The following ELP3 variants were observed in gnomAD, a reference collection of about 807,000 sequenced individuals.
ELP3 encodes the protein elongator complex protein 3.
Under a neutral mutation model 74.9 loss-of-function variants are expected in ELP3, and 56 were observed. The ratio of observed to expected loss-of-function variants is 0.75; its 90% CI spans 0.60 to 0.93. ELP3 has a LOEUF of 0.93. Ranked by LOEUF, ELP3 falls within the 40% of genes least tolerant of loss-of-function variation. The pLI is 0.00. For synonymous variants in ELP3, 222 were observed against 239.8 expected (o/e 0.93, Z 0.68); for missense variants, 573 against 686.5 (o/e 0.83, Z 1.85).
At chr8:28,143,637 C>T (rs949844619) in intron 10 of ELP3, among the ~76,000 whole-genome samples, 2 of 152,050 alleles carry the variant, frequency 1.3e-5, no homozygotes, top group Non-Finnish European at 2.9e-5. Flanking sequence ...GTAAACTGTT[C>T]GCCTTGTTAG....
intron 14 of ELP3, among the ~76,000 whole-genome samples, chr8:28,163,232 C>T (rs1164312957): frequency 6.6e-6 from 1 of 152,172 alleles, no homozygotes; most frequent in Non-Finnish European, 1.5e-5. Context: ...AAGAAGCTAA[C>T]AGGGTGAGAG....
At chr8:28,152,835 A>G (rs1813693534) in intron 10 of ELP3, among the ~76,000 whole-genome samples, 1 of 152,210 alleles carries the variant, frequency 6.6e-6, no homozygotes, top group East Asian at 1.9e-4. Context: ...GCTCAGCAGC[A>G]TGAAGTTTAC....
At position 28,163,827 on chromosome 8, in the gene ELP3, C is replaced by T. The variant is rs115545226; in HGVS notation, c.1567+1749C>T. 4.4e-3 allele frequency among the ~76,000 whole-genome samples: 671 copies of T among 152,232 alleles called. 5 individuals carry two copies. The highest frequency in any genetic ancestry group is 0.014 in the African/African-American group (597 of 41,530). On this transcript the variant is annotated intron_variant, in intron 14 of 14. Coordinates refer to ENST00000256398, the MANE Select transcript of ELP3 (RefSeq NM_018091.6). ...AAAGTGCTTGTGAAACTTCAGTGTG[C>T]TTACAAATCACCTGGAGATCTTGTT...
At chr8:28,117,229 A>G (rs556507299) in intron 7 of ELP3, among the ~76,000 whole-genome samples, 1 of 152,274 alleles carries the variant, frequency 6.6e-6, no homozygotes, top group East Asian at 1.9e-4. Flanking sequence ...GCCAACTAAG[A>G]TCTGCATAGT....
chr8:28,124,907 C>G (rs1226615079), intron 7 of ELP3, among the ~76,000 whole-genome samples: 2 of 152,094 alleles, frequency 1.3e-5, no homozygotes, highest in Admixed American at 6.6e-5. Flanking sequence ...TTTATAGAAC[C>G]TCATGATATA....
At chr8:28,140,864 C>T (rs1381379663) in intron 10 of ELP3, among the ~76,000 whole-genome samples, 6 of 152,086 alleles carry the variant, frequency 3.9e-5, no homozygotes, top group Non-Finnish European at 8.8e-5. Context: ...TGCCATTGGC[C>T]ATGAGTTCAG....
At chr8:28,134,651 A>G (rs1056818342) in intron 9 of ELP3, among the ~76,000 whole-genome samples, 5 of 152,222 alleles carry the variant, frequency 3.3e-5, no homozygotes, top group Non-Finnish European at 7.3e-5. Flanking sequence ...AAACCTATCA[A>G]AAAGTTCTCA....
At chr8:28,115,681 A>C (rs750222173) in intron 7 of ELP3, among the ~76,000 whole-genome samples, 1 of 152,164 alleles carries the variant, frequency 6.6e-6, no homozygotes, top group Non-Finnish European at 1.5e-5. Flanking sequence ...AAAGTTGCAG[A>C]GGTGGTTGGT....
intron 2 of ELP3, among the ~76,000 whole-genome samples, chr8:28,098,323 C>G (rs1290065222): frequency 6.6e-6 from 1 of 152,190 alleles, no homozygotes; most frequent in Non-Finnish European, 1.5e-5. Context: ...TTCTTAGACT[C>G]TCTTCTCTGA....
At chr8:28,142,229 T>C (rs1360226637) in intron 10 of ELP3, among the ~76,000 whole-genome samples, 1 of 152,164 alleles carries the variant, frequency 6.6e-6, no homozygotes, top group Non-Finnish European at 1.5e-5. Context: ...AAAGGTCATA[T>C]GATAAGAAAG....
chr8:28,160,464 G>C lies in ELP3; in HGVS notation c.1485+8G>C, dbSNP rs754247577. The C allele has an allele frequency of 3.1e-6, 5 of 1,609,172 alleles. No individual in the cohort carries two copies. The highest frequency in any genetic ancestry group is 4.2e-6 in the Non-Finnish European group (5 of 1,177,314). On this transcript the variant is annotated splice_region_variant and intron_variant, in intron 13 of 14. Transcript: ENST00000256398. ...ACTAAATTTCAGCATCAGGTATCCTGTATTCCATTTCTATTTGACTTCTAA... is the reference window on the plus strand; with the variant it reads ...ACTAAATTTCAGCATCAGGTATCCTCTATTCCATTTCTATTTGACTTCTAA...
At chr8:28,129,205 T>TG in intron 7 of ELP3, 1 of 235,142 alleles carries the variant, frequency 4.3e-6, no homozygotes, top group Non-Finnish European at 8.3e-6. Flanking sequence ...AGAATAATAA[T>TG]GATAATGATG....
At chr8:28,131,311 C>G (rs918006436) in intron 8 of ELP3, among the ~76,000 whole-genome samples, 4 of 152,206 alleles carry the variant, frequency 2.6e-5, no homozygotes, top group Non-Finnish European at 5.9e-5. Flanking sequence ...TCAAAATGTT[C>G]TGTGCCTGCA....
chr8:28,110,321 C>T (rs1376328362), intron 5 of ELP3, 49 bp from the exon 6 acceptor site: 1 of 1,508,654 alleles, frequency 6.6e-7, no homozygotes, highest in South Asian at 1.2e-5. Context: ...TTTGAAACTA[C>T]TTTTTAGTTT....
At chr8:28,097,094 T>C in intron 1 of ELP3, 125 bp from the exon 2 acceptor site, 2 of 607,578 alleles carry the variant, frequency 3.3e-6, no homozygotes, top group South Asian at 2.1e-5. Flanking sequence ...TTTAGCATCT[T>C]CTGAACTTGA....
In ELP3 at chr8:28,118,998, C is replaced by T. The variant is rs1011845004; in HGVS notation, c.617+5825C>T. ...CAGGCCCAGAAGACAATTTCGTAGA[C>T]TTGCACAGCTGCAACGGAAGCAAAA... On this transcript the variant is annotated intron_variant, in intron 7 of 14. Coordinates refer to ENST00000256398, the MANE Select transcript of ELP3 (RefSeq NM_018091.6). The T allele has an allele frequency of 3.3e-5, 5 of 151,714 alleles. 1 individual carries two copies. Among genetic ancestry groups the T allele is most frequent in the Non-Finnish European group, 7.3e-5 (5 of 68,030 alleles). The allele number at this position is 151,714 out of a possible 1,614,324, so 9.4% of individuals were successfully genotyped here. A position where few individuals can be genotyped will look rare whatever the true frequency, so the allele number is the denominator to read the frequency against.
rs1402899130 is a variant in ELP3, at chr8:28,147,072, G to C, written c.1101-8870G>C. On this transcript the variant is annotated intron_variant, in intron 10 of 14. Transcript: ENST00000256398. The surrounding 1 kb of genome is among the most constrained non-coding windows in gnomAD (Gnocchi z 4.5). ...AATTATTAATAATTTTTTTCACAAG[G>C]ACTCATGTTCTCATTTTGCACCGGG... Among the ~76,000 whole-genome samples, 1 of 152,020 alleles carries C rather than the reference G, an allele frequency of 6.6e-6. No homozygotes were observed. The highest frequency in any genetic ancestry group is 2.1e-4 in the South Asian group (1 of 4,806).
intron 6 of ELP3, chr8:28,110,697 G>C (rs1039972989): frequency 2.0e-5 from 7 of 354,308 alleles, no homozygotes; most frequent in Admixed American, 1.4e-4. Context: ...AAAGTCATTT[G>C]TAGTATGAAA....
intron 8 of ELP3, among the ~76,000 whole-genome samples, chr8:28,130,737 C>CT (rs1246653621): frequency 6.6e-6 from 1 of 152,102 alleles, no homozygotes; most frequent in Non-Finnish European, 1.5e-5. Context: ...ATGGAAGAGT[C>CT]TGAGTTGGTC....
Sources: allele counts gnomAD v4.1 joint callset (sites outside exome capture counted in the v4.1 genomes callset), GRCh38; gene constraint gnomAD v4.1.1; non-coding constraint Gnocchi (gnomAD v3.1); transcripts MANE v1.5; gene names NCBI Gene and HGNC (gene_info 2026-07-23, HGNC 2026-07-21).